The following PADI4 variants were observed in gnomAD, a reference collection of about 807,000 sequenced individuals.
PADI4 encodes the protein peptidyl arginine deiminase 4.
A neutral mutation model predicts 75.0 loss-of-function variants in PADI4; 62 were observed. That is an observed-to-expected ratio of 0.83 (90% CI 0.67 to 1.02). The LOEUF (loss-of-function observed/expected upper bound fraction) is 1.02. PADI4 is among the 50% of genes least tolerant of loss of function. PADI4 has a pLI of 0.00. For synonymous variants in PADI4, 361 were observed against 348.1 expected (o/e 1.04, Z -0.41); for missense variants, 845 against 850.5 (o/e 0.99, Z 0.08).
At chr1:17,320,710 T>C (rs2074019183) in intron 1 of PADI4, among the ~76,000 whole-genome samples, 1 of 152,194 alleles carries the variant, frequency 6.6e-6, no homozygotes, top group Non-Finnish European at 1.5e-5. Flanking sequence ...GTCTTGGTTT[T>C]GGTGGGGTTT....
rs2074879502 is a variant in PADI4 at position 17,363,647 on chromosome 1, C to T, written c.1884C>T (p.Thr628=). The change falls in exon 16 of 16, where the codon ACC becomes ACT. Residue 628 remains threonine (T), a synonymous_variant. Coordinates refer to ENST00000375448, the MANE Select transcript of PADI4 (RefSeq NM_012387.3). ...SLLEPLGLQC[T]FINDFFTYHI... is the part of the protein sequence containing the mutation. ...TGGAGCCACTGGGCCTCCAGTGCACCTTCATCAACGACTTCTTCACCTACC... is the reference window on the plus strand; with the variant it reads ...TGGAGCCACTGGGCCTCCAGTGCACTTTCATCAACGACTTCTTCACCTACC... 1 of 1,614,164 alleles carries T rather than the reference C, an allele frequency of 6.2e-7. No individual in the cohort carries two copies. Among genetic ancestry groups the T allele is most frequent in the Non-Finnish European group, 8.5e-7 (1 of 1,179,992 alleles).
intron 13 of PADI4, among the ~76,000 whole-genome samples, chr1:17,357,578 C>G (rs2074781253): frequency 6.6e-6 from 1 of 152,150 alleles, no homozygotes. Flanking sequence ...GTCCTGCATG[C>G]AAGTAGATAT....
At chr1:17,361,448 G>A (rs576342092) in intron 15 of PADI4, among the ~76,000 whole-genome samples, 1 of 152,346 alleles carries the variant, frequency 6.6e-6, no homozygotes, top group East Asian at 1.9e-4. Flanking sequence ...CTCTCTCCCA[G>A]GAGCTGGCTG....
intron 15 of PADI4, 59 bp downstream of exon 15, chr1:17,359,467 A>G (rs1216447526): frequency 6.2e-7 from 1 of 1,608,618 alleles, no homozygotes; most frequent in African/African-American, 1.3e-5. Flanking sequence ...TCAGCCCGAG[A>G]GGCCAGTGGG....
At chr1:17,352,215 G>GC (rs1557577608) in intron 10 of PADI4, among the ~76,000 whole-genome samples, 15 of 107,444 alleles carry the variant, frequency 1.4e-4, no homozygotes, top group South Asian at 2.7e-4. Context: ...GTGGTAAGAG[G>GC]GGTGGTCAGG....
intron 10 of PADI4, among the ~76,000 whole-genome samples, chr1:17,352,175 T>TAAG (rs2074669076): frequency 9.0e-6 from 1 of 110,714 alleles, no homozygotes; most frequent in Non-Finnish European, 1.8e-5. Flanking sequence ...TGAGAGGTGG[T>TAAG]AGGAGAGGCG....
intron 1 of PADI4, among the ~76,000 whole-genome samples, chr1:17,323,020 A>C (rs2074057424): frequency 6.6e-6 from 1 of 152,186 alleles, no homozygotes. Flanking sequence ...GTTTCTCATA[A>C]TCAAGGTATT....
At chr1:17,351,427 CAAA>C (rs557108589) in intron 10 of PADI4, among the ~76,000 whole-genome samples, 1 of 101,406 alleles carries the variant, frequency 9.9e-6, no homozygotes, top group African/African-American at 3.7e-5. Flanking sequence ...CCTGTCTCTA[CAAA>C]AAAAAAAAAA....
chr1:17,330,655 A>G (rs2074193913), intron 1 of PADI4, among the ~76,000 whole-genome samples: 1 of 152,174 alleles, frequency 6.6e-6, no homozygotes, highest in Non-Finnish European at 1.5e-5. Context: ...TGGAGAAAGA[A>G]GGCAGCCAGA....
At chr1:17,360,927 A>T (rs3795212) in intron 15 of PADI4, among the ~76,000 whole-genome samples, 68,905 of 150,666 alleles carry the variant, frequency 0.46, 15,604 homozygotes, top group East Asian at 0.49. Context: ...GTGGCCCCTA[A>T]GTGCTGTCTT....
chr1:17,354,983 A>G (rs1005955143), intron 11 of PADI4, among the ~76,000 whole-genome samples: 5 of 152,216 alleles, frequency 3.3e-5, no homozygotes, highest in African/African-American at 1.2e-4. Flanking sequence ...AGTCCTTACC[A>G]CTACTCTAGT....
chr1:17,309,149 A>G (rs1319439182), intron 1 of PADI4, among the ~76,000 whole-genome samples: 1 of 95,488 alleles, frequency 1.0e-5, no homozygotes, highest in African/African-American at 3.7e-5. Context: ...CTATGTTAAA[A>G]AAAAAAAAAA....
In PADI4 at chr1:17,363,950, T is replaced by A. The variant is rs1199605289; in HGVS notation, c.*195T>A. 1.9e-6 allele frequency: 1 copy of A among 513,442 alleles called. No homozygotes were observed. Among genetic ancestry groups the A allele is most frequent in the Non-Finnish European group, 3.5e-6 (1 of 285,762 alleles). The allele number at this position is 513,442 out of a possible 1,614,324, so 31.8% of individuals were successfully genotyped here. On this transcript the variant is annotated 3_prime_UTR_variant, in exon 16 of 16. Coordinates refer to ENST00000375448, the MANE Select transcript of PADI4 (RefSeq NM_012387.3). ...CCAACATGGTCCTAGCACTGCACAC[T>A]CAGTTCTGCTCTAAGAAGCTGCAAT...
rs555465473 is a variant in PADI4 at position 17,342,532 on chromosome 1, G to A, written c.935+130G>A. 1.2e-4 allele frequency: 76 copies of A among 637,356 alleles called. No individual in the cohort carries two copies. In the East Asian group the frequency reaches 2.1e-3, roughly 18 times the overall value. 39.5% of individuals were successfully genotyped at this position (637,356 alleles called of 1,614,324 possible). On this transcript the variant is annotated intron_variant, in intron 8 of 15. Coordinates refer to ENST00000375448, the MANE Select transcript of PADI4 (RefSeq NM_012387.3). ...CACTGAGAGCTTGCTGCTTGTTGGG[G>A]GCTCTAAAAAGGCAGGGAAGTTCCC...
At chr1:17,355,138 A>G (rs796868153) in intron 11 of PADI4, among the ~76,000 whole-genome samples, 1 of 152,196 alleles carries the variant, frequency 6.6e-6, no homozygotes, top group South Asian at 2.1e-4. Context: ...CTAATGACAG[A>G]AGGGACAGGG....
chr1:17,360,355 G>T (rs1047737121), intron 15 of PADI4, among the ~76,000 whole-genome samples: 14 of 152,012 alleles, frequency 9.2e-5, no homozygotes, highest in South Asian at 6.2e-4. Flanking sequence ...TATAGCCAGA[G>T]TCCTCTGGTG....
intron 1 of PADI4, among the ~76,000 whole-genome samples, chr1:17,308,742 A>G (rs2501800): frequency 0.96 from 146,336 of 152,162 alleles, 70,531 homozygotes; most frequent in South Asian, 1. Context: ...CAGTGGGTGC[A>G]TAATAGCGTG....
chr1:17,328,492 T>A (rs1196881077), intron 1 of PADI4, among the ~76,000 whole-genome samples: 2 of 151,958 alleles, frequency 1.3e-5, no homozygotes, highest in African/African-American at 2.4e-5. Context: ...CAAAAAATTT[T>A]AAAAATTAGC....
chr1:17,331,641 G>A (rs565436512), intron 2 of PADI4, among the ~76,000 whole-genome samples: 1,927 of 150,240 alleles, frequency 0.013, 25 homozygotes, highest in Non-Finnish European at 0.019. Flanking sequence ...GGCCTGGCCG[G>A]GCACAGTGGC....
Sources: gnomAD v4.1 joint callset for allele counts (sites outside exome capture counted in the v4.1 genomes callset) on GRCh38, gnomAD v4.1.1 for gene constraint, MANE v1.5 for transcripts, NCBI Gene and HGNC (gene_info 2026-07-23, HGNC 2026-07-21) for gene names.